The following ADAMTSL1 variants were observed in gnomAD, a reference collection of about 807,000 sequenced individuals.
ADAMTSL1 encodes the protein ADAMTS-like protein 1.
In ADAMTSL1, 126 loss-of-function variants were observed where a neutral mutation model predicts 201.8. The observed-to-expected ratio is 0.62, with a 90% confidence interval of 0.54 to 0.72. The LOEUF is 0.72. Among genes scored for constraint, ADAMTSL1 ranks in the 30% least tolerant of loss-of-function variants. The pLI is 0.00. For synonymous variants in ADAMTSL1, 1,121 were observed against 903.4 expected (o/e 1.24, Z -4.32); for missense variants, 2,679 against 2,277.8 (o/e 1.18, Z -3.59).
intron 16 of ADAMTSL1, among the ~76,000 whole-genome samples, chr9:18,766,087 AG>A (rs201310638): frequency 0.062 from 9,403 of 152,210 alleles, 361 homozygotes; most frequent in Non-Finnish European, 0.087. Context: ...ACACAGGGAA[AG>A]GGGGGGTGTC....
chr9:18,594,479 C>A lies in ADAMTSL1; in HGVS notation c.474+20213C>A, dbSNP rs144209289. On this transcript the variant is annotated intron_variant, in intron 4 of 28. Coordinates refer to ENST00000380548, the MANE Select transcript of ADAMTSL1 (RefSeq NM_001040272.6). Reference sequence around the variant, plus strand: ...AACTCAAATATTTGCTTTTTGATGTCCTGTAGATCCCATAAACTTTGTTCA... The same window carrying A: ...AACTCAAATATTTGCTTTTTGATGTACTGTAGATCCCATAAACTTTGTTCA... 2.3e-3 allele frequency among the ~76,000 whole-genome samples: 352 copies of A among 152,204 alleles called. 1 individual carries two copies. Among genetic ancestry groups the A allele is most frequent in the African/African-American group, 7.9e-3 (328 of 41,544 alleles).
upstream of ADAMTSL1, among the ~76,000 whole-genome samples, chr9:18,472,281 T>C (rs530718275): frequency 8.5e-4 from 129 of 152,314 alleles, no homozygotes; most frequent in African/African-American, 3.1e-3. Flanking sequence ...ACAAAAACAA[T>C]AGTGGAAAGA....
intron 2 of ADAMTSL1, among the ~76,000 whole-genome samples, chr9:18,236,381 G>A (rs1226013613): frequency 6.6e-6 from 1 of 152,168 alleles, no homozygotes; most frequent in Non-Finnish European, 1.5e-5. Flanking sequence ...GCCTGTCTGT[G>A]GAGTTTTGAC....
chr9:18,877,048 T>C (rs546141059), intron 23 of ADAMTSL1, among the ~76,000 whole-genome samples: 1 of 152,348 alleles, frequency 6.6e-6, no homozygotes, highest in South Asian at 2.1e-4. Flanking sequence ...GAGACTTTCC[T>C]GTGTATTTTG....
chr9:18,515,249 G>GA (rs1182839134), intron 2 of ADAMTSL1, among the ~76,000 whole-genome samples: 2 of 152,172 alleles, frequency 1.3e-5, no homozygotes, highest in Non-Finnish European at 2.9e-5. Context: ...CTGCCGTCTC[G>GA]AAGGGGGTGA....
At chr9:18,710,630 C>A (rs1832507353) in intron 14 of ADAMTSL1, among the ~76,000 whole-genome samples, 1 of 148,378 alleles carries the variant, frequency 6.7e-6, no homozygotes, top group Non-Finnish European at 1.5e-5. Flanking sequence ...CCCTTACTTT[C>A]CCCATTCCTT....
At chr9:18,614,153 C>T (rs1458084487) in intron 4 of ADAMTSL1, among the ~76,000 whole-genome samples, 1 of 152,108 alleles carries the variant, frequency 6.6e-6, no homozygotes, top group Non-Finnish European at 1.5e-5. Context: ...CACATAGATG[C>T]TGTAGGACAC....
At chr9:18,750,825 G>A (rs1819429145) in intron 15 of ADAMTSL1, among the ~76,000 whole-genome samples, 2 of 152,210 alleles carry the variant, frequency 1.3e-5, no homozygotes, top group Admixed American at 6.5e-5. Context: ...TGGAGGGTCT[G>A]CATTCAAGGT....
intron 2 of ADAMTSL1, among the ~76,000 whole-genome samples, chr9:18,183,181 CA>C (rs1175575450): frequency 1.3e-5 from 2 of 152,062 alleles, no homozygotes; most frequent in African/African-American, 4.8e-5. Context: ...TGTCCACATG[CA>C]AAAAATTAAA....
chr9:18,479,631 T>A (rs182047702), intron 1 of ADAMTSL1, among the ~76,000 whole-genome samples: 1 of 152,342 alleles, frequency 6.6e-6, no homozygotes, highest in East Asian at 1.9e-4. Context: ...TGCATTTATC[T>A]GTGCCATCGC....
intron 1 of ADAMTSL1, among the ~76,000 whole-genome samples, chr9:17,923,148 T>G (rs1826375301): frequency 6.6e-6 from 1 of 152,044 alleles, no homozygotes; most frequent in Admixed American, 6.6e-5. Context: ...CCATATGAAC[T>G]TTAAAGTAGT....
At chr9:17,917,838 T>C (rs893254493) in intron 1 of ADAMTSL1, among the ~76,000 whole-genome samples, 2 of 152,006 alleles carry the variant, frequency 1.3e-5, no homozygotes, top group African/African-American at 2.4e-5. Flanking sequence ...AATTACAAAC[T>C]TAATTTCTTG....
At chr9:18,618,151 C>T (rs1287853628) in intron 4 of ADAMTSL1, among the ~76,000 whole-genome samples, 3 of 152,172 alleles carry the variant, frequency 2.0e-5, no homozygotes, top group Non-Finnish European at 2.9e-5. Flanking sequence ...CTTGTTGATG[C>T]ATCAGGGCAG....
Position 18,446,855 on chromosome 9 carries a change from A to G in ADAMTSL1, c.208-57974A>G, listed in dbSNP as rs533978230. ...ATCCAAAGAGAAGGTTTGGTTCCAA[A>G]AGTACCTTGAAAGGAGTTCATTGTA... On this transcript the variant is annotated intron_variant, in intron 2 of 29. Transcript: ENST00000680146. Among the ~76,000 whole-genome samples, 6 of 152,314 alleles carry G rather than the reference A, an allele frequency of 3.9e-5. No homozygotes were observed. The South Asian group carries it at 1.0e-3, about 26-fold the overall frequency.
At chr9:18,810,648 G>T (rs542233664) in intron 20 of ADAMTSL1, among the ~76,000 whole-genome samples, 1 of 152,052 alleles carries the variant, frequency 6.6e-6, no homozygotes, top group Non-Finnish European at 1.5e-5. Context: ...GATCTCATGG[G>T]GACCCAACTT....
At chr9:18,444,093 G>A (rs1820099078) in intron 2 of ADAMTSL1, among the ~76,000 whole-genome samples, 1 of 152,130 alleles carries the variant, frequency 6.6e-6, no homozygotes, top group Non-Finnish European at 1.5e-5. Flanking sequence ...TTTACTTGGG[G>A]ATAAAATAGA....
At chr9:18,574,500 A>G in intron 4 of ADAMTSL1, 2 of 586,650 alleles carry the variant, frequency 3.4e-6, no homozygotes, top group Non-Finnish European at 6.0e-6. Context: ...ACTTGAATAT[A>G]AAAGAATAAA....
intron 24 of ADAMTSL1, among the ~76,000 whole-genome samples, chr9:18,888,477 GC>G (rs572531749): frequency 6.6e-6 from 1 of 152,226 alleles, no homozygotes; most frequent in South Asian, 2.1e-4. Context: ...AGAGTCTTCA[GC>G]TTTAGTCATA....
intron 14 of ADAMTSL1, among the ~76,000 whole-genome samples, chr9:18,716,948 T>A (rs1832981735): frequency 7.1e-6 from 1 of 140,982 alleles, no homozygotes; most frequent in South Asian, 2.3e-4. Context: ...GGGACATGGA[T>A]GAAATTGGAA....
Sources: gnomAD v4.1 joint callset for allele counts (sites outside exome capture counted in the v4.1 genomes callset) on GRCh38, gnomAD v4.1.1 for gene constraint, MANE v1.5 for transcripts, NCBI Gene and HGNC (gene_info 2026-07-23, HGNC 2026-07-21) for gene names.